GRM7: variants seen among roughly 807,000 people sequenced by gnomAD.
GRM7 encodes the protein metabotropic glutamate receptor 7.
A neutral mutation model predicts 84.5 loss-of-function variants in GRM7; 35 were observed. The observed-to-expected ratio is 0.41, with a 90% confidence interval of 0.32 to 0.55. GRM7 has a LOEUF of 0.55. GRM7 is among the 20% of genes least tolerant of loss of function. GRM7 has a pLI of 0.19. For missense variants in GRM7, 1,003 were observed against 1,194.6 expected, an observed-to-expected ratio of 0.84 and a Z score of 2.36; for synonymous variants, 487 against 455.1, an observed-to-expected ratio of 1.07 and a Z score of -0.89.
chr3:7,219,985 C>A (rs1158272532), intron 2 of GRM7, among the ~76,000 whole-genome samples: 1 of 151,928 alleles, frequency 6.6e-6, no homozygotes, highest in African/African-American at 2.4e-5. Flanking sequence ...CAGAACTGAT[C>A]TAAACAAAAA....
At chr3:7,566,214 A>C (rs1694262107) in intron 7 of GRM7, among the ~76,000 whole-genome samples, 1 of 151,228 alleles carries the variant, frequency 6.6e-6, no homozygotes, top group South Asian at 2.1e-4. Context: ...TTTTAGCATA[A>C]AAGCAGCCAT....
At chr3:7,311,705 T>C (rs112966373) in intron 4 of GRM7, among the ~76,000 whole-genome samples, 32 of 152,072 alleles carry the variant, frequency 2.1e-4, no homozygotes, top group African/African-American at 7.2e-4. Flanking sequence ...GTGATTCTCC[T>C]GCCTCAGCCT....
At chr3:6,987,474 C>T (rs913167859) in intron 1 of GRM7, among the ~76,000 whole-genome samples, 3 of 151,810 alleles carry the variant, frequency 2.0e-5, no homozygotes, top group African/African-American at 7.3e-5. Context: ...CAGAGAAGAC[C>T]TCTCGAAGAC....
At chr3:7,467,501 G>C (rs779987470) in intron 7 of GRM7, among the ~76,000 whole-genome samples, 1 of 152,148 alleles carries the variant, frequency 6.6e-6, no homozygotes, top group South Asian at 2.1e-4. Context: ...ATGGGTACCC[G>C]TACTACGTCT....
At chr3:7,459,355 G>C (rs184075116) in intron 6 of GRM7, among the ~76,000 whole-genome samples, 1 of 152,298 alleles carries the variant, frequency 6.6e-6, no homozygotes, top group Admixed American at 6.5e-5. Context: ...GTGGGGAGCA[G>C]AGAGGGAGGA....
intron 2 of GRM7, among the ~76,000 whole-genome samples, chr3:7,173,909 A>G (rs776478227): frequency 6.6e-6 from 1 of 152,190 alleles, no homozygotes; most frequent in Non-Finnish European, 1.5e-5. Context: ...GCTTTTGATT[A>G]TCTCTATCCT....
intron 2 of GRM7, among the ~76,000 whole-genome samples, chr3:7,276,203 ATATATGTGTGTG>A (rs1171410866): frequency 0.012 from 1,471 of 124,742 alleles, 24 homozygotes; most frequent in Admixed American, 0.012. Context: ...ATATATATAT[ATATATGTGTGTG>A]TGTGTGTGTG....
intron 4 of GRM7, among the ~76,000 whole-genome samples, chr3:7,396,401 A>T (rs1461474813): frequency 6.6e-6 from 1 of 152,160 alleles, no homozygotes; most frequent in Non-Finnish European, 1.5e-5. Context: ...TTTAAGAAAT[A>T]CTTTACAAAT....
chr3:7,298,282 A>G (rs895167475), intron 2 of GRM7, among the ~76,000 whole-genome samples: 1 of 152,166 alleles, frequency 6.6e-6, no homozygotes, highest in Admixed American at 6.6e-5. Flanking sequence ...AGTAACAGAG[A>G]TACACAGAGC....
chr3:7,669,844 GC>G (rs1333466149), intron 8 of GRM7, among the ~76,000 whole-genome samples: 1 of 152,184 alleles, frequency 6.6e-6, no homozygotes, highest in Non-Finnish European at 1.5e-5. Context: ...TCATTTTCCT[GC>G]CCAATCTCAA....
intron 1 of GRM7, among the ~76,000 whole-genome samples, chr3:6,951,678 T>C (rs753464258): frequency 8.5e-5 from 13 of 152,216 alleles, no homozygotes; most frequent in Non-Finnish European, 1.6e-4. Flanking sequence ...GTCCAGAACA[T>C]GCCCTATCTT....
intron 5 of GRM7, among the ~76,000 whole-genome samples, chr3:7,447,469 G>A (rs2124882604): frequency 6.6e-6 from 1 of 152,248 alleles, no homozygotes; most frequent in South Asian, 2.1e-4. Context: ...GTAAATGGGT[G>A]AACCATTTCA....
Position 7,631,442 on chromosome 3 carries a change from C to T in GRM7, c.2452-48607C>T, listed in dbSNP as rs929140639. On this transcript the variant is annotated intron_variant, in intron 8 of 9. Transcript: ENST00000357716. ...CTAGAGATCCTTGAGATGTTAAGGA[C>T]GTTACTTACTTTATATATTTTTCCT... Among the ~76,000 whole-genome samples the T allele has an allele frequency of 3.9e-5, 6 of 152,034 alleles. No individual in the cohort carries two copies. The East Asian group carries it at 5.8e-4, about 15-fold the overall frequency.
chr3:7,512,758 T>G (rs576473351), intron 7 of GRM7, among the ~76,000 whole-genome samples: 43 of 152,090 alleles, frequency 2.8e-4, no homozygotes, highest in South Asian at 1.2e-3. Flanking sequence ...TGGAGGACAC[T>G]TGGGAAAGGA....
intron 4 of GRM7, 65 bp from the exon 5 acceptor site, chr3:7,414,958 T>A (rs1696100336): frequency 7.3e-7 from 1 of 1,375,534 alleles, no homozygotes. Context: ...GTCACTTTTA[T>A]TTTTATTTCT....
At chr3:7,598,028 C>T (rs1204628047) in intron 8 of GRM7, among the ~76,000 whole-genome samples, 1 of 152,098 alleles carries the variant, frequency 6.6e-6, no homozygotes, top group African/African-American at 2.4e-5. Flanking sequence ...GACAAAAGGA[C>T]CAAATTCCTT....
chr3:7,472,525 A>G (rs543905067), intron 7 of GRM7, among the ~76,000 whole-genome samples: 1 of 152,204 alleles, frequency 6.6e-6, no homozygotes, highest in Non-Finnish European at 1.5e-5. Context: ...TAATAGGAAG[A>G]GTAAGTGATG....
At chr3:7,427,875 T>C (rs902098722) in intron 5 of GRM7, among the ~76,000 whole-genome samples, 1 of 152,184 alleles carries the variant, frequency 6.6e-6, no homozygotes, top group African/African-American at 2.4e-5. Flanking sequence ...GACAGGCTCA[T>C]GGTCAGTCGC....
intron 8 of GRM7, among the ~76,000 whole-genome samples, chr3:7,653,189 T>C (rs1699032580): frequency 6.1e-5 from 9 of 147,308 alleles, no homozygotes. Context: ...CCTTTTTTTT[T>C]TTTTTTTTTT....
Sources: allele counts gnomAD v4.1 joint callset (sites outside exome capture counted in the v4.1 genomes callset), GRCh38; gene constraint gnomAD v4.1.1; transcripts MANE v1.5; gene names NCBI Gene and HGNC (gene_info 2026-07-23, HGNC 2026-07-21).